Variants in N4BP2L2 observed in about 807,000 individuals in gnomAD.
The protein encoded by N4BP2L2 is NEDD4 binding protein 2 like 2.
A neutral mutation model predicts 56.2 loss-of-function variants in N4BP2L2; 50 were observed. The ratio of observed to expected loss-of-function variants is 0.89; its 90% CI spans 0.71 to 1.13. N4BP2L2 has a LOEUF of 1.13. Among genes scored for constraint, N4BP2L2 ranks in the 50% most tolerant of loss-of-function variants. The pLI, the probability that N4BP2L2 is intolerant of heterozygous loss-of-function variation, is 0.00. For missense variants in N4BP2L2, 689 were observed against 693.8 expected (o/e 0.99, Z 0.08); for synonymous variants, 203 against 223.6 (o/e 0.91, Z 0.82).
chr13:32,494,047 C>A (rs943817146), intron 6 of N4BP2L2, among the ~76,000 whole-genome samples: 2 of 151,794 alleles, frequency 1.3e-5, no homozygotes, highest in Non-Finnish European at 1.5e-5. Context: ...CTGAGGTGGG[C>A]GGATCACTTG....
chr13:32,442,253 C>A, intron 7 of N4BP2L2: 1 of 775,760 alleles, frequency 1.3e-6, no homozygotes, highest in Non-Finnish European at 2.0e-6. Context: ...TGCTATGGAT[C>A]CTCACTCACT....
intron 2 of N4BP2L2, among the ~76,000 whole-genome samples, chr13:32,528,345 G>C (rs761688567): frequency 9.2e-5 from 14 of 152,104 alleles, no homozygotes; most frequent in African/African-American, 3.4e-4. Flanking sequence ...GAGGCTTAAG[G>C]TTATGGAACA....
At chr13:32,504,544 T>C (rs1407776171) in intron 6 of N4BP2L2, 1 of 152,186 alleles carries the variant, frequency 6.6e-6, no homozygotes, top group African/African-American at 2.4e-5. Context: ...TATGGTCACA[T>C]TCTAGGTACT....
At chr13:32,481,118 C>CAAAAAAAAAAAAAAAAAAAAAAAAA (rs60854435) in intron 6 of N4BP2L2, among the ~76,000 whole-genome samples, 2 of 20,714 alleles carry the variant, frequency 9.7e-5, no homozygotes, top group African/African-American at 3.7e-4. Context: ...GACTCTGTCT[C>CAAAAAAAAAAAAAAAAAAAAAAAAA]AAAAAAAAAA....
chr13:32,446,456 T>G (rs753369337), intron 6 of N4BP2L2: 12 of 1,342,310 alleles, frequency 8.9e-6, no homozygotes, highest in Non-Finnish European at 1.2e-5. Context: ...CAAACTCCCC[T>G]GTCTTTACTC....
At chr13:32,518,826 T>C (rs2049944530) in intron 5 of N4BP2L2, among the ~76,000 whole-genome samples, 1 of 152,062 alleles carries the variant, frequency 6.6e-6, no homozygotes, top group Non-Finnish European at 1.5e-5. Flanking sequence ...TGTTAAGTTA[T>C]ATATTTATAT....
intron 6 of N4BP2L2, among the ~76,000 whole-genome samples, chr13:32,480,416 T>C (rs2084379688): frequency 6.6e-6 from 1 of 152,188 alleles, no homozygotes; most frequent in Admixed American, 6.5e-5. Flanking sequence ...AGAGTCCAGA[T>C]TAAAAGTTCA....
chr13:32,532,766 T>C (rs949701271), intron 2 of N4BP2L2, among the ~76,000 whole-genome samples: 5 of 151,832 alleles, frequency 3.3e-5, no homozygotes, highest in African/African-American at 1.2e-4. Flanking sequence ...CATTTTTGTA[T>C]TTTTAGTAGA....
intron 3 of N4BP2L2, chr13:32,523,106 C>A (rs2051458806): frequency 6.6e-6 from 1 of 152,142 alleles, no homozygotes; most frequent in Non-Finnish European, 1.5e-5. Flanking sequence ...ATCACTGTCA[C>A]AAGGCTGGGT....
chr13:32,484,447 A>G (rs576361240), intron 6 of N4BP2L2, among the ~76,000 whole-genome samples: 2 of 152,346 alleles, frequency 1.3e-5, no homozygotes, highest in Admixed American at 1.3e-4. Context: ...CATCTTTAAT[A>G]AAGTCATTTG....
chr13:32,489,639 T>C (rs187912197), intron 6 of N4BP2L2, among the ~76,000 whole-genome samples: 18 of 152,232 alleles, frequency 1.2e-4, no homozygotes, highest in Admixed American at 1.2e-3. Flanking sequence ...GCTGTACGCA[T>C]ATAAACTACG....
At chr13:32,499,051 C>T (rs1372345341) in intron 6 of N4BP2L2, among the ~76,000 whole-genome samples, 2 of 141,404 alleles carry the variant, frequency 1.4e-5, no homozygotes, top group Non-Finnish European at 3.1e-5. Flanking sequence ...TGAATAAATA[C>T]ATTACCGTTT....
chr13:32,432,862 G>C (rs576352717), exon 10 of N4BP2L2: 1 of 152,182 alleles, frequency 6.6e-6, no homozygotes, highest in South Asian at 2.1e-4. Flanking sequence ...AACTAATTTT[G>C]GTATCCAACG....
chr13:32,523,553 C>A (rs543634530), intron 3 of N4BP2L2: 1 of 148,424 alleles, frequency 6.7e-6, no homozygotes, highest in Admixed American at 6.7e-5. Flanking sequence ...GGCATGGTGG[C>A]AGGCGCCTGT....
intron 7 of N4BP2L2, among the ~76,000 whole-genome samples, chr13:32,441,938 T>TGGTGGCGGGCGC (rs1209752462): frequency 2.0e-5 from 3 of 150,684 alleles, no homozygotes; most frequent in Non-Finnish European, 1.5e-5. Context: ...TAGCCGGGCG[T>TGGTGGCGGGCGC]GGTGGCGGGC....
exon 2 of N4BP2L2, chr13:32,536,138 G>A: frequency 1.9e-6 from 3 of 1,614,074 alleles, no homozygotes; most frequent in Non-Finnish European, 2.5e-6. Context: ...TGGATTTGGT[G>A]GACCACTGAA....
chr13:32,463,791 C>T lies in N4BP2L2; in HGVS notation c.366-19665G>A, dbSNP rs560273326. Among the ~76,000 whole-genome samples the T allele has an allele frequency of 3.7e-3, 561 of 151,546 alleles. 6 individuals carry two copies. Among genetic ancestry groups the T allele is most frequent in the Non-Finnish European group, 7.0e-3 (475 of 67,876 alleles). On this transcript the variant is annotated intron_variant, in intron 6 of 9. Transcript: ENST00000357505. The stretch of plus-strand genomic sequence containing the variant: ...ATTTCAATGTGCTGAGAGAAAAATA[C>T]TGTGAACCATGAACTGTATATCCAG...
Position 32,495,759 on chromosome 13 carries a change from T to C in N4BP2L2, c.365+22098A>G, listed in dbSNP as rs561374580. 1.0e-3 allele frequency among the ~76,000 whole-genome samples: 159 copies of C among 152,136 alleles called. 2 individuals carry two copies. The highest frequency in any genetic ancestry group is 3.8e-3 in the African/African-American group (156 of 41,522). ...AGTGCAGTGGCGTGATCCCAGCTCATTGCAACCTCCGCCTCCTGGGTTCAA... is the reference window on the plus strand; with the variant it reads ...AGTGCAGTGGCGTGATCCCAGCTCACTGCAACCTCCGCCTCCTGGGTTCAA... On this transcript the variant is annotated intron_variant, in intron 6 of 9. Coordinates refer to the N4BP2L2 transcript ENST00000357505.
At chr13:32,455,193 G>A (rs2078762305) in intron 6 of N4BP2L2, among the ~76,000 whole-genome samples, 1 of 152,238 alleles carries the variant, frequency 6.6e-6, no homozygotes, top group Non-Finnish European at 1.5e-5. Context: ...CCAGAGGGCT[G>A]TAGCAGCACA....
Sources: gnomAD v4.1 joint callset for allele counts (sites outside exome capture counted in the v4.1 genomes callset) on GRCh38, gnomAD v4.1.1 for gene constraint, MANE v1.5 for transcripts, NCBI Gene and HGNC (gene_info 2026-07-23, HGNC 2026-07-21) for gene names.